Variants in ASIC2 observed in about 807,000 individuals in gnomAD.
ASIC2 encodes the protein acid-sensing ion channel 2.
A neutral mutation model predicts 57.3 loss-of-function variants in ASIC2; 25 were observed. The ratio of observed to expected loss-of-function variants is 0.44; its 90% CI spans 0.32 to 0.61. ASIC2 has a LOEUF of 0.61. ASIC2 is among the 20% of genes least tolerant of loss of function. The pLI is 0.06. For synonymous variants in ASIC2, 319 were observed against 307.5 expected (o/e 1.04, Z -0.39); for missense variants, 641 against 738.1 (o/e 0.87, Z 1.52).
chr17:33,370,475 C>G (rs1402764497), intron 1 of ASIC2, among the ~76,000 whole-genome samples: 1 of 152,168 alleles, frequency 6.6e-6, no homozygotes, highest in Non-Finnish European at 1.5e-5. Context: ...TCATTAAAGA[C>G]AGCTCTCCTG....
intron 1 of ASIC2, among the ~76,000 whole-genome samples, chr17:33,745,671 T>A (rs1410640016): frequency 1.3e-5 from 2 of 151,580 alleles, no homozygotes; most frequent in African/African-American, 4.8e-5. Flanking sequence ...AAAAAAAAAA[T>A]CTTTTAACTG....
intron 1 of ASIC2, among the ~76,000 whole-genome samples, chr17:33,764,157 A>C (rs1463342106): frequency 3.9e-5 from 6 of 152,074 alleles, no homozygotes; most frequent in Non-Finnish European, 8.8e-5. Flanking sequence ...AAAACAACAA[A>C]AAAACAAAAT....
At chr17:33,177,388 G>A (rs1905802975) in intron 1 of ASIC2, among the ~76,000 whole-genome samples, 1 of 152,212 alleles carries the variant, frequency 6.6e-6, no homozygotes, top group Non-Finnish European at 1.5e-5. Flanking sequence ...GTATGATGCT[G>A]AGAATCATGG....
At chr17:33,529,220 G>T (rs972737547) in intron 1 of ASIC2, among the ~76,000 whole-genome samples, 1 of 152,164 alleles carries the variant, frequency 6.6e-6, no homozygotes, top group African/African-American at 2.4e-5. Context: ...AACCCTGACT[G>T]CCCTGTAGGG....
chr17:33,420,974 C>T (rs547730635), intron 1 of ASIC2, among the ~76,000 whole-genome samples: 1 of 152,296 alleles, frequency 6.6e-6, no homozygotes, highest in South Asian at 2.1e-4. Flanking sequence ...GGAACATTAT[C>T]TTCTAGTTCT....
chr17:34,105,947 G>A (rs9910415), intron 1 of ASIC2, among the ~76,000 whole-genome samples: 1 of 151,468 alleles, frequency 6.6e-6, no homozygotes, highest in Non-Finnish European at 1.5e-5. Context: ...CATCCATATT[G>A]TAATTTTGTC....
intron 1 of ASIC2, among the ~76,000 whole-genome samples, chr17:33,813,865 A>T (rs1912500429): frequency 6.6e-6 from 1 of 152,202 alleles, no homozygotes; most frequent in African/African-American, 2.4e-5. Flanking sequence ...CAGGCACTTC[A>T]TACCCACACG....
chr17:33,627,947 G>A (rs780731218), intron 1 of ASIC2, among the ~76,000 whole-genome samples: 2 of 151,988 alleles, frequency 1.3e-5, no homozygotes, highest in Non-Finnish European at 2.9e-5. Context: ...GGAGAATGGC[G>A]TGAACCTGGG....
At position 33,746,971 on chromosome 17, in the gene ASIC2, G is replaced by A. The variant is rs543851970; in HGVS notation, c.555+409007C>T. 2.6e-5 allele frequency among the ~76,000 whole-genome samples: 4 copies of A among 152,120 alleles called. No homozygotes were observed. The East Asian group carries it at 7.7e-4, about 29-fold the overall frequency. ...ATGAATGAGAAAATAAATCACAAGG[G>A]GAATTAGAAGAAGACTTTGAGATGA... On this transcript the variant is annotated intron_variant, in intron 1 of 9. Transcript: ENST00000359872.
intron 1 of ASIC2, among the ~76,000 whole-genome samples, chr17:33,757,853 A>T (rs1370977343): frequency 1.3e-5 from 2 of 152,164 alleles, no homozygotes; most frequent in Admixed American, 6.5e-5. Context: ...CTGTGTTGGC[A>T]TTCCAGGCAG....
chr17:33,346,524 G>A (rs1907956837), intron 1 of ASIC2, among the ~76,000 whole-genome samples: 1 of 152,148 alleles, frequency 6.6e-6, no homozygotes, highest in African/African-American at 2.4e-5. Context: ...GTGTATGTGT[G>A]TGCACATGCT....
intron 1 of ASIC2, among the ~76,000 whole-genome samples, chr17:33,115,580 C>T (rs1030112385): frequency 3.3e-5 from 5 of 152,150 alleles, no homozygotes; most frequent in African/African-American, 4.8e-5. Flanking sequence ...AATGTTCTGG[C>T]GCGCTTTGCC....
At chr17:33,677,314 A>AC (rs1368430825) in intron 1 of ASIC2, among the ~76,000 whole-genome samples, 1 of 152,216 alleles carries the variant, frequency 6.6e-6, no homozygotes, top group African/African-American at 2.4e-5. Flanking sequence ...GTAGGAGGTG[A>AC]CTTAAGTTGA....
intron 3 of ASIC2, among the ~76,000 whole-genome samples, chr17:33,083,159 G>T (rs996575559): frequency 3.3e-5 from 5 of 152,158 alleles, no homozygotes; most frequent in African/African-American, 9.7e-5. Flanking sequence ...TTATCCAGTT[G>T]TACTTCCAAC....
At chr17:33,996,171 G>C (rs1261747741) in intron 1 of ASIC2, among the ~76,000 whole-genome samples, 1 of 151,856 alleles carries the variant, frequency 6.6e-6, no homozygotes, top group Non-Finnish European at 1.5e-5. Flanking sequence ...GCCATATTTA[G>C]TTTCTATGAC....
intron 1 of ASIC2, among the ~76,000 whole-genome samples, chr17:33,491,220 C>T (rs1272937073): frequency 6.6e-6 from 1 of 152,140 alleles, no homozygotes; most frequent in Non-Finnish European, 1.5e-5. Context: ...TTTTAGTGTA[C>T]AACAAAGTGG....
At chr17:34,097,377 G>A (rs1019550721) in intron 1 of ASIC2, among the ~76,000 whole-genome samples, 1 of 152,156 alleles carries the variant, frequency 6.6e-6, no homozygotes, top group African/African-American at 2.4e-5. Flanking sequence ...GAGAGAAGAA[G>A]ATGGATTATT....
chr17:34,010,231 G>A (rs1046632517), intron 1 of ASIC2, among the ~76,000 whole-genome samples: 5 of 152,146 alleles, frequency 3.3e-5, no homozygotes, highest in East Asian at 1.9e-4. Flanking sequence ...AAAATGTTCC[G>A]AGGTGACTTT....
chr17:33,767,087 C>A (rs928726624), intron 1 of ASIC2, among the ~76,000 whole-genome samples: 1 of 152,214 alleles, frequency 6.6e-6, no homozygotes, highest in African/African-American at 2.4e-5. Flanking sequence ...TCAGTGTGTG[C>A]GATTCAGTGC....
Sources: gnomAD v4.1 joint callset for allele counts (sites outside exome capture counted in the v4.1 genomes callset) on GRCh38, gnomAD v4.1.1 for gene constraint, MANE v1.5 for transcripts, NCBI Gene and HGNC (gene_info 2026-07-23, HGNC 2026-07-21) for gene names.